NAALADL2: variants seen among roughly 807,000 people sequenced by gnomAD.
NAALADL2 encodes the protein inactive N-acetylated-alpha-linked acidic dipeptidase-like protein 2.
A neutral mutation model predicts 87.2 loss-of-function variants in NAALADL2; 76 were observed. The ratio of observed to expected loss-of-function variants is 0.87; its 90% CI spans 0.72 to 1.05. The LOEUF is 1.05. Ranked by LOEUF, NAALADL2 falls within the 50% of genes least tolerant of loss-of-function variation. NAALADL2 has a pLI of 0.00. For synonymous variants in NAALADL2, 354 were observed against 331.0 expected, an observed-to-expected ratio of 1.07 and a Z score of -0.75; for missense variants, 1,089 against 945.8, an observed-to-expected ratio of 1.15 and a Z score of -1.99.
At chr3:174,850,794 C>T (rs934920061) in intron 3 of NAALADL2, among the ~76,000 whole-genome samples, 1 of 152,040 alleles carries the variant, frequency 6.6e-6, no homozygotes, top group Non-Finnish European at 1.5e-5. Flanking sequence ...TTTTATCCAA[C>T]AAATGCAGAA....
intron 5 of NAALADL2, among the ~76,000 whole-genome samples, chr3:175,367,782 A>C (rs1474849596): frequency 9.9e-5 from 15 of 152,208 alleles, no homozygotes; most frequent in Non-Finnish European, 1.5e-5. Flanking sequence ...TTCTAGATGT[A>C]CAATCATGTT....
intron 5 of NAALADL2, among the ~76,000 whole-genome samples, chr3:175,366,935 A>T (rs898760037): frequency 1.3e-5 from 2 of 151,636 alleles, no homozygotes; most frequent in African/African-American, 4.9e-5. Flanking sequence ...GTCCTTGCCC[A>T]TGCCTATGTC....
intron 1 of NAALADL2, among the ~76,000 whole-genome samples, chr3:174,865,050 A>T (rs1355675839): frequency 1.3e-5 from 2 of 152,022 alleles, no homozygotes; most frequent in Admixed American, 6.6e-5. Context: ...TGCTCTGGTG[A>T]CAGATATGTT....
At chr3:175,640,769 A>T (rs1729173420) in intron 11 of NAALADL2, among the ~76,000 whole-genome samples, 1 of 152,210 alleles carries the variant, frequency 6.6e-6, no homozygotes, top group South Asian at 2.1e-4. Context: ...ATTAATGATA[A>T]TGCAATGTTT....
intron 1 of NAALADL2, among the ~76,000 whole-genome samples, chr3:175,094,162 T>A (rs1362452832): frequency 2.0e-5 from 3 of 151,872 alleles, no homozygotes; most frequent in African/African-American, 7.3e-5. Flanking sequence ...TCTGATTCAT[T>A]AAAATGGGAG....
intron 2 of NAALADL2, among the ~76,000 whole-genome samples, chr3:175,143,658 C>T (rs933384139): frequency 1.3e-5 from 2 of 150,772 alleles, no homozygotes; most frequent in African/African-American, 4.9e-5. Flanking sequence ...TGGGTAAATA[C>T]ACTTTATGGA....
Position 174,509,573 on chromosome 3 carries a change from T to C in NAALADL2, c.-183-40996T>C, listed in dbSNP as rs1578052569. Among the ~76,000 whole-genome samples, 4 of 75,840 alleles carry C rather than the reference T, an allele frequency of 5.3e-5. No homozygotes were observed. The South Asian group carries it at 1.6e-3, about 31-fold the overall frequency. 49.8% of individuals were successfully genotyped at this position (75,840 alleles called of 152,430 possible). A position where few individuals can be genotyped will look rare whatever the true frequency, so the allele number is the denominator to read the frequency against. On this transcript the variant is annotated intron_variant, in intron 1 of 3. Coordinates refer to the NAALADL2 transcript ENST00000434257. ...CCCGCCACCACACCCAGCTAATTTT[T>C]TTTTTTTTTTTTTTTTTTTTTTTTT...
chr3:174,699,300 A>C (rs183645400), intron 2 of NAALADL2, among the ~76,000 whole-genome samples: 460 of 152,254 alleles, frequency 3.0e-3, no homozygotes, highest in Non-Finnish European at 3.6e-3. Context: ...GTTTGAGACC[A>C]GCCTGGCCAA....
intron 3 of NAALADL2, among the ~76,000 whole-genome samples, chr3:174,764,833 T>C (rs1211073317): frequency 1.3e-5 from 2 of 152,078 alleles, no homozygotes; most frequent in Non-Finnish European, 2.9e-5. Flanking sequence ...AGACAAATCA[T>C]TAAACAGAAG....
At chr3:174,993,919 A>T (rs1294140483) in intron 1 of NAALADL2, among the ~76,000 whole-genome samples, 1 of 152,150 alleles carries the variant, frequency 6.6e-6, no homozygotes, top group East Asian at 1.9e-4. Context: ...GGATCATGTC[A>T]GTCTCTGGGA....
chr3:175,044,911 C>T (rs562338076), intron 1 of NAALADL2, among the ~76,000 whole-genome samples: 137 of 148,220 alleles, frequency 9.2e-4, no homozygotes, highest in Admixed American at 1.9e-3. Flanking sequence ...TCACAGAGAG[C>T]GAAGGGGCGC....
Position 175,233,924 on chromosome 3 carries a change from A to G in NAALADL2, c.546-7A>G. 6.6e-7 allele frequency: 1 copy of G among 1,523,710 alleles called. No homozygotes were observed. The highest frequency in any genetic ancestry group is 9.0e-7 in the Non-Finnish European group (1 of 1,114,982). 94.4% of individuals were successfully genotyped at this position (1,523,710 alleles called of 1,614,324 possible). A position where few individuals can be genotyped will look rare whatever the true frequency, so the allele number is the denominator to read the frequency against. On this transcript the variant is annotated splice_region_variant and splice_polypyrimidine_tract_variant and intron_variant, in intron 2 of 13. Coordinates refer to ENST00000454872, the MANE Select transcript of NAALADL2 (RefSeq NM_207015.3). ...TTAAAAAAGTTTTCTTTTCAAATTTATTTCAGAAATTTGGTACAACTATAT... is the reference window on the plus strand; with the variant it reads ...TTAAAAAAGTTTTCTTTTCAAATTTGTTTCAGAAATTTGGTACAACTATAT...
intron 1 of NAALADL2, among the ~76,000 whole-genome samples, chr3:174,497,480 C>A (rs757647768): frequency 2.7e-4 from 41 of 150,290 alleles, no homozygotes; most frequent in Non-Finnish European, 4.7e-4. Context: ...AAAGAAGAAG[C>A]GAAAAGAAAC....
upstream of NAALADL2, among the ~76,000 whole-genome samples, chr3:174,856,129 C>T (rs1282238063): frequency 6.6e-6 from 1 of 151,872 alleles, no homozygotes; most frequent in African/African-American, 2.4e-5. Context: ...ATCTCAGTCT[C>T]TTGAGTAGGT....
chr3:175,495,093 T>TATATATATA (rs1491546516), intron 9 of NAALADL2, among the ~76,000 whole-genome samples: 1 of 116,682 alleles, frequency 8.6e-6, no homozygotes, highest in Non-Finnish European at 1.8e-5. Flanking sequence ...TATATATATA[T>TATATATATA]TTTTTTTTAA....
At chr3:175,693,253 T>C (rs1188014224) in intron 11 of NAALADL2, among the ~76,000 whole-genome samples, 1 of 152,198 alleles carries the variant, frequency 6.6e-6, no homozygotes, top group East Asian at 1.9e-4. Context: ...ACTGCCATTG[T>C]GGTTGAACTC....
At chr3:175,161,677 T>G (rs1733243870) in intron 2 of NAALADL2, among the ~76,000 whole-genome samples, 1 of 140,542 alleles carries the variant, frequency 7.1e-6, no homozygotes, top group Non-Finnish European at 1.5e-5. Flanking sequence ...ATAACAAATG[T>G]GCATCATATA....
chr3:174,798,846 A>G (rs1450081295), intron 3 of NAALADL2, among the ~76,000 whole-genome samples: 1 of 151,964 alleles, frequency 6.6e-6, no homozygotes, highest in Non-Finnish European at 1.5e-5. Context: ...ATTTTTTTAT[A>G]TGCAAGATTA....
At chr3:175,728,785 T>C (rs1743275555) in intron 11 of NAALADL2, among the ~76,000 whole-genome samples, 1 of 152,182 alleles carries the variant, frequency 6.6e-6, no homozygotes, top group African/African-American at 2.4e-5. Flanking sequence ...CACTGAATCA[T>C]GGCCATATGG....
Sources: gnomAD v4.1 joint callset for allele counts (sites outside exome capture counted in the v4.1 genomes callset) on GRCh38, gnomAD v4.1.1 for gene constraint, MANE v1.5 for transcripts, NCBI Gene and HGNC (gene_info 2026-07-23, HGNC 2026-07-21) for gene names.